The following CATSPERB variants were observed in gnomAD, a reference collection of about 807,000 sequenced individuals.
CATSPERB encodes the protein catsper channel auxiliary subunit beta, also known as cation channel sperm-associated auxiliary subunit beta.
CATSPERB carries 93 observed loss-of-function variants against 128.3 expected under a neutral mutation model. The observed-to-expected ratio is 0.72, with a 90% CI of 0.61 to 0.86. CATSPERB has a LOEUF of 0.86. CATSPERB is among the 40% of genes least tolerant of loss of function. The probability of loss-of-function intolerance (pLI) is 0.00; values close to 1 mark genes in which losing one functional copy is unlikely to be tolerated. For synonymous variants in CATSPERB, 381 were observed against 448.8 expected, an observed-to-expected ratio of 0.85 and a Z score of 1.91; for missense variants, 1,153 against 1,329.5, an observed-to-expected ratio of 0.87 and a Z score of 2.06.
intron 10 of CATSPERB, among the ~76,000 whole-genome samples, chr14:91,687,950 CAAAAAA>C (rs11404420): frequency 2.6e-4 from 31 of 117,118 alleles, no homozygotes; most frequent in African/African-American, 9.6e-4. Context: ...GAGAGTGTCT[CAAAAAA>C]AAAAAAAAAA....
chr14:91,615,708 C>G (rs995836870), intron 20 of CATSPERB, among the ~76,000 whole-genome samples: 4 of 152,086 alleles, frequency 2.6e-5, no homozygotes, highest in Admixed American at 6.5e-5. Flanking sequence ...TCTTAATGAA[C>G]TTTTAGGTTG....
intron 14 of CATSPERB, among the ~76,000 whole-genome samples, 158 bp downstream of exon 14, chr14:91,669,656 C>T (rs1056246346): frequency 5.3e-5 from 8 of 152,284 alleles, no homozygotes; most frequent in Middle Eastern, 6.8e-3. Flanking sequence ...TAATGGACAC[C>T]AAGCTTAGTA....
At chr14:91,617,949 G>A (rs1270344466) in intron 19 of CATSPERB, among the ~76,000 whole-genome samples, 4 of 152,150 alleles carry the variant, frequency 2.6e-5, no homozygotes, top group African/African-American at 9.7e-5. Flanking sequence ...GAGGGTTCTT[G>A]AATCTCACAC....
chr14:91,628,798 G>A (rs2139795024), intron 17 of CATSPERB, among the ~76,000 whole-genome samples: 1 of 152,218 alleles, frequency 6.6e-6, no homozygotes, highest in East Asian at 1.9e-4. Flanking sequence ...TATGTCATCA[G>A]GGAAATGCAA....
intron 7 of CATSPERB, among the ~76,000 whole-genome samples, chr14:91,699,010 C>G (rs1000999887): frequency 3.9e-5 from 6 of 152,210 alleles, no homozygotes; most frequent in African/African-American, 1.4e-4. Context: ...CCAGCTCCAT[C>G]TAAGTTGCTG....
At position 91,604,512 on chromosome 14, in the gene CATSPERB, C is replaced by G. The variant is rs1444469242; in HGVS notation, c.2709+3782G>C. ...TGTATTACATTATGGCCTTCCCCAG[C>G]AGCTTCCAAGGCAGCCTCCAAGTCA... On this transcript the variant is annotated intron_variant, in intron 22 of 26. Coordinates refer to ENST00000256343, the MANE Select transcript of CATSPERB (RefSeq NM_024764.4). 32 of 1,603,240 alleles carry G rather than the reference C, an allele frequency of 2.0e-5. No homozygotes were observed. The East Asian group carries it at 6.9e-4, about 35-fold the overall frequency.
At chr14:91,719,983 GCA>G (rs1896002474) in intron 4 of CATSPERB, among the ~76,000 whole-genome samples, 1 of 152,158 alleles carries the variant, frequency 6.6e-6, no homozygotes, top group South Asian at 2.1e-4. Context: ...AACTAGCAGT[GCA>G]AGCTAAAAGA....
chr14:91,702,800 A>T (rs1895674082), intron 7 of CATSPERB, among the ~76,000 whole-genome samples: 1 of 151,980 alleles, frequency 6.6e-6, no homozygotes, highest in Admixed American at 6.5e-5. Flanking sequence ...TATAAAATAA[A>T]TCTTTATAAT....
At chr14:91,649,736 A>G (rs574274046) in intron 15 of CATSPERB, among the ~76,000 whole-genome samples, 33 of 151,848 alleles carry the variant, frequency 2.2e-4, no homozygotes, top group Non-Finnish European at 1.0e-4. Flanking sequence ...ATACTCAGAT[A>G]AAGAGATAGT....
At chr14:91,685,288 T>C (rs1214937253) in intron 10 of CATSPERB, among the ~76,000 whole-genome samples, 1 of 152,202 alleles carries the variant, frequency 6.6e-6, no homozygotes, top group Non-Finnish European at 1.5e-5. Flanking sequence ...TTTTCATATG[T>C]AATGTTACTT....
At chr14:91,726,484 G>A (rs1566742418) in intron 2 of CATSPERB, among the ~76,000 whole-genome samples, 1 of 152,172 alleles carries the variant, frequency 6.6e-6, no homozygotes, top group Non-Finnish European at 1.5e-5. Context: ...AATTTACTGG[G>A]GCAAAAGATG....
intron 6 of CATSPERB, among the ~76,000 whole-genome samples, chr14:91,705,672 T>C (rs1445428246): frequency 6.6e-6 from 1 of 152,132 alleles, no homozygotes; most frequent in Non-Finnish European, 1.5e-5. Context: ...CAGTCCTCAA[T>C]GTGAATGTCT....
chr14:91,607,084 C>G (rs79160335), intron 22 of CATSPERB, among the ~76,000 whole-genome samples: 117 of 30,788 alleles, frequency 3.8e-3, no homozygotes, highest in East Asian at 6.4e-3. Context: ...TGTGTGTGGG[C>G]GGGGGGGGGG....
At chr14:91,684,860 A>AC (rs919359639) in intron 10 of CATSPERB, among the ~76,000 whole-genome samples, 22 of 150,750 alleles carry the variant, frequency 1.5e-4, no homozygotes, top group Admixed American at 1.1e-3. Flanking sequence ...CAAGTGATCC[A>AC]CCCCCCTCGG....
intron 14 of CATSPERB, 66 bp downstream of exon 14, chr14:91,669,747 AG>A: frequency 2.1e-6 from 3 of 1,429,666 alleles, no homozygotes; most frequent in Non-Finnish European, 2.8e-6. Flanking sequence ...CTTAATGTAC[AG>A]CCATGCAGCA....
chr14:91,609,768 G>C (rs1312190840), intron 21 of CATSPERB, among the ~76,000 whole-genome samples: 7 of 151,996 alleles, frequency 4.6e-5, no homozygotes, highest in African/African-American at 7.3e-5. Flanking sequence ...GTCATGCTCT[G>C]TGCTCTGTTG....
chr14:91,589,500 A>G, intron 24 of CATSPERB, 34 bp downstream of exon 24: 2 of 1,588,416 alleles, frequency 1.3e-6, no homozygotes, highest in Non-Finnish European at 1.7e-6. Flanking sequence ...ATTACTTATC[A>G]GATAAAATAA....
intron 15 of CATSPERB, among the ~76,000 whole-genome samples, chr14:91,644,111 C>T (rs76860028): frequency 0.29 from 37,937 of 128,656 alleles, 7,284 homozygotes; most frequent in Admixed American, 0.49. Flanking sequence ...TGTCTCTGCA[C>T]GTGAGATGGG....
intron 5 of CATSPERB, among the ~76,000 whole-genome samples, chr14:91,715,383 G>A (rs181944957): frequency 1.3e-5 from 2 of 151,656 alleles, no homozygotes; most frequent in African/African-American, 2.4e-5. Context: ...CCAACATGGC[G>A]AAACCCCGTC....
Sources: allele counts gnomAD v4.1 joint callset (sites outside exome capture counted in the v4.1 genomes callset), GRCh38; gene constraint gnomAD v4.1.1; transcripts MANE v1.5; gene names NCBI Gene and HGNC (gene_info 2026-07-23, HGNC 2026-07-21).